The following PPP1R12A variants were observed in gnomAD, a reference collection of about 807,000 sequenced individuals.
PPP1R12A encodes the protein myosin binding subunit.
PPP1R12A carries 19 observed loss-of-function variants against 139.6 expected under a neutral mutation model. That is an observed-to-expected ratio of 0.14 (90% CI 0.09 to 0.20). The LOEUF is 0.20. PPP1R12A is among the 10% of genes least tolerant of loss of function. The probability of loss-of-function intolerance (pLI) is 1.00; values close to 1 mark genes in which losing one functional copy is unlikely to be tolerated. For synonymous variants in PPP1R12A, 427 were observed against 420.6 expected, an observed-to-expected ratio of 1.02 and a Z score of -0.19; for missense variants, 925 against 1,211.5, an observed-to-expected ratio of 0.76 and a Z score of 3.51.
chr12:79,914,796 C>T (rs1389602703), intron 1 of PPP1R12A, among the ~76,000 whole-genome samples: 1 of 151,868 alleles, frequency 6.6e-6, no homozygotes. Context: ...AGAATGTAAA[C>T]TCTGGAAGTG....
intron 9 of PPP1R12A, among the ~76,000 whole-genome samples, chr12:79,811,845 C>CA (rs567862848): frequency 1.1e-4 from 17 of 152,102 alleles, no homozygotes; most frequent in African/African-American, 3.1e-4. Flanking sequence ...CCCACCTCCT[C>CA]AAAAAACAGA....
In PPP1R12A at chr12:79,920,858, A is replaced by G. The variant is rs1202631847; in HGVS notation, c.237+13837T>C. 3.3e-5 allele frequency among the ~76,000 whole-genome samples: 5 copies of G among 152,218 alleles called. No homozygotes were observed. The East Asian group carries it at 7.7e-4, about 23-fold the overall frequency. On this transcript the variant is annotated intron_variant, in intron 1 of 24. Coordinates refer to ENST00000450142, the MANE Select transcript of PPP1R12A (RefSeq NM_002480.3). The stretch of plus-strand genomic sequence containing the variant: ...GGACTTCTTAGCCGCCATAGCTGTA[A>G]TAAGTAAATCTTTTTAAATAATCCA...
rs1266684233 is a variant in PPP1R12A, at chr12:79,809,870, T to C, written c.1380A>G (p.Lys460=). The C allele has an allele frequency of 1.9e-6, 3 of 1,613,524 alleles. No individual in the cohort carries two copies. The highest frequency in any genetic ancestry group is 2.7e-5 in the African/African-American group (2 of 74,928). ...AEITASKEGQ[K]EKDTAGVTRS... ...GTGTAACACCTGCAGTATCTTTTTC[T>C]TTCTGACCCTCTTTAGATGCTGTGA... The change falls in exon 10 of 25, where the codon AAA becomes AAG. Residue 460 remains lysine (K), a synonymous_variant. Coordinates refer to ENST00000450142, the MANE Select transcript of PPP1R12A (RefSeq NM_002480.3).
At chr12:79,792,536 A>G (rs1872012999) in intron 19 of PPP1R12A, among the ~76,000 whole-genome samples, 1 of 152,218 alleles carries the variant, frequency 6.6e-6, no homozygotes, top group South Asian at 2.1e-4. Flanking sequence ...TCTAAAGTAA[A>G]CAAAAACTAC....
intron 24 of PPP1R12A, among the ~76,000 whole-genome samples, chr12:79,776,423 T>C (rs1869732032): frequency 6.6e-6 from 1 of 152,088 alleles, no homozygotes; most frequent in African/African-American, 2.4e-5. Context: ...TACTTAATAT[T>C]GTTCCACAAG....
chr12:79,804,827 C>T (rs1188027909), intron 14 of PPP1R12A, among the ~76,000 whole-genome samples: 3 of 151,972 alleles, frequency 2.0e-5, no homozygotes, highest in Non-Finnish European at 2.9e-5. Context: ...CTAGCCTCAG[C>T]CCTCACACCA....
chr12:79,795,952 C>T (rs1872460838), intron 17 of PPP1R12A, among the ~76,000 whole-genome samples, 193 bp from the exon 18 acceptor site: 1 of 152,036 alleles, frequency 6.6e-6, no homozygotes, highest in Admixed American at 6.6e-5. Flanking sequence ...GGTCAGCCAA[C>T]TTTTCAAGAA....
intron 12 of PPP1R12A, chr12:79,806,827 G>A (rs1442790508): frequency 6.1e-6 from 1 of 162,722 alleles, no homozygotes; most frequent in African/African-American, 2.4e-5. Context: ...TCTTCAATAT[G>A]ATACTACCAA....
At chr12:79,908,294 G>A (rs1020939365) in intron 1 of PPP1R12A, among the ~76,000 whole-genome samples, 1 of 152,228 alleles carries the variant, frequency 6.6e-6, no homozygotes, top group East Asian at 1.9e-4. Context: ...CACACTGTTT[G>A]TAGTAGTGGA....
intron 3 of PPP1R12A, among the ~76,000 whole-genome samples, chr12:79,841,366 A>G (rs762111752): frequency 6.6e-6 from 1 of 152,162 alleles, no homozygotes; most frequent in Non-Finnish European, 1.5e-5. Flanking sequence ...CTCTCACAAC[A>G]TTCTGTTCCT....
chr12:79,860,543 A>G (rs967464875), intron 2 of PPP1R12A, among the ~76,000 whole-genome samples: 3 of 152,240 alleles, frequency 2.0e-5, no homozygotes, highest in African/African-American at 7.2e-5. Context: ...GTGATATTCT[A>G]TCATTTATTA....
At chr12:79,898,340 C>T (rs1885319790) in intron 1 of PPP1R12A, among the ~76,000 whole-genome samples, 1 of 152,136 alleles carries the variant, frequency 6.6e-6, no homozygotes, top group Admixed American at 6.5e-5. Flanking sequence ...CCTGTAGTCC[C>T]AGCTACTTGG....
At position 79,934,752 on chromosome 12, in the gene PPP1R12A, C is replaced by A. The variant is rs1253600703; in HGVS notation, c.180G>T (p.Leu60=). The change falls in exon 1 of 25, where the codon CTG becomes CTT. Residue 60 remains leucine (L), a synonymous_variant. Coordinates refer to ENST00000450142, the MANE Select transcript of PPP1R12A (RefSeq NM_002480.3). ...SGDTDEVLKL[L]HRGADINYAN... is the part of the protein sequence containing the mutation. ...CGTAATTGATGTCGGCGCCGCGGTG[C>A]AGCAGCTTGAGGACCTCGTCCGTGT... 1 of 1,551,486 alleles carries A rather than the reference C, an allele frequency of 6.4e-7. No individual in the cohort carries two copies. Among genetic ancestry groups the A allele is most frequent in the Admixed American group, 2.0e-5 (1 of 51,016 alleles).
intron 1 of PPP1R12A, among the ~76,000 whole-genome samples, chr12:79,915,969 C>T (rs960847848): frequency 4.1e-5 from 6 of 146,648 alleles, no homozygotes; most frequent in African/African-American, 1.6e-4. Context: ...GCAACATTTC[C>T]CCCAGTTATG....
At position 79,853,442 on chromosome 12, in the gene PPP1R12A, G is replaced by A. The variant is rs533714716; in HGVS notation, c.369-8022C>T. On this transcript the variant is annotated intron_variant, in intron 2 of 24. Transcript: ENST00000450142. Reference sequence around the variant, plus strand: ...CTTTCAGAGTCTTCTTGTGTTTTACGTATAATATTCAGAGTTTTTAGTTGT... The same window carrying A: ...CTTTCAGAGTCTTCTTGTGTTTTACATATAATATTCAGAGTTTTTAGTTGT... Among the ~76,000 whole-genome samples, 49 of 152,222 alleles carry A rather than the reference G, an allele frequency of 3.2e-4. 1 individual carries two copies. The highest frequency in any genetic ancestry group is 1.2e-3 in the South Asian group (6 of 4,822).
intron 1 of PPP1R12A, among the ~76,000 whole-genome samples, chr12:79,876,342 T>C (rs1468399760): frequency 2.0e-5 from 3 of 152,216 alleles, no homozygotes; most frequent in Admixed American, 6.5e-5. Context: ...CTCAATACCA[T>C]GCACAGTTCT....
At chr12:79,922,637 T>C (rs1245999665) in intron 1 of PPP1R12A, among the ~76,000 whole-genome samples, 1 of 152,000 alleles carries the variant, frequency 6.6e-6, no homozygotes, top group African/African-American at 2.4e-5. Flanking sequence ...AGTTGAACAA[T>C]GAGAACACAT....
At chr12:79,776,982 A>G (rs1869807113) in intron 24 of PPP1R12A, among the ~76,000 whole-genome samples, 1 of 152,116 alleles carries the variant, frequency 6.6e-6, no homozygotes, top group Non-Finnish European at 1.5e-5. Context: ...TTTTACGTGG[A>G]ACCAATATGT....
chr12:79,880,569 C>T (rs149252725), intron 1 of PPP1R12A, among the ~76,000 whole-genome samples: 87 of 152,010 alleles, frequency 5.7e-4, no homozygotes, highest in African/African-American at 2.0e-3. Context: ...AACGGTGGCT[C>T]AAGTAAGTAG....
Sources: allele counts gnomAD v4.1 joint callset (sites outside exome capture counted in the v4.1 genomes callset), GRCh38; gene constraint gnomAD v4.1.1; transcripts MANE v1.5; gene names NCBI Gene and HGNC (gene_info 2026-07-23, HGNC 2026-07-21).